Variants in CTNNBIP1 observed in about 807,000 individuals in gnomAD.
CTNNBIP1 encodes catenin beta interacting protein 1.
A neutral mutation model predicts 11.8 loss-of-function variants in CTNNBIP1; 7 were observed. The observed-to-expected ratio is 0.60, with a 90% CI of 0.34 to 1.12. The LOEUF is 1.12. CTNNBIP1 is among the 50% of genes most tolerant of loss of function. The pLI is 0.03. For missense variants in CTNNBIP1, 101 were observed against 113.4 expected (o/e 0.89, Z 0.50); for synonymous variants, 58 against 43.9 (o/e 1.32, Z -1.26).
chr1:9,887,291 G>T (rs1639207055), intron 1 of CTNNBIP1, among the ~76,000 whole-genome samples: 1 of 152,204 alleles, frequency 6.6e-6, no homozygotes, highest in Non-Finnish European at 1.5e-5. Context: ...CTCAGAGAAG[G>T]TAAGTAACCT....
intron 5 of CTNNBIP1, among the ~76,000 whole-genome samples, chr1:9,866,231 G>C (rs1020271518): frequency 6.6e-6 from 1 of 152,248 alleles, no homozygotes; most frequent in Non-Finnish European, 1.5e-5. Flanking sequence ...AGGGGAGTAA[G>C]GTGGGGGTGA....
At chr1:9,901,303 G>A (rs973191477) in intron 1 of CTNNBIP1, among the ~76,000 whole-genome samples, 3 of 152,198 alleles carry the variant, frequency 2.0e-5, no homozygotes, top group Non-Finnish European at 4.4e-5. Context: ...AGGTGGCTGT[G>A]AGGCCTGTCT....
At chr1:9,896,966 C>T (rs1246084646) in intron 1 of CTNNBIP1, among the ~76,000 whole-genome samples, 3 of 141,492 alleles carry the variant, frequency 2.1e-5, no homozygotes, top group Non-Finnish European at 4.6e-5. Flanking sequence ...GATTCTGTCT[C>T]AAACAAACAA....
rs568442424 is a variant in CTNNBIP1, at chr1:9,849,914, C to G, written c.*804G>C. ...GGGGCCCAACTTTCCAGCTGTGGACCCTGCTCAGGGTTCTCGGGGTCCCCT... is the reference window on the plus strand; with the variant it reads ...GGGGCCCAACTTTCCAGCTGTGGACGCTGCTCAGGGTTCTCGGGGTCCCCT... On this transcript the variant is annotated 3_prime_UTR_variant, in exon 6 of 6. Coordinates refer to ENST00000377263, the MANE Select transcript of CTNNBIP1 (RefSeq NM_020248.3). 74 of 152,360 alleles carry G rather than the reference C, an allele frequency of 4.9e-4. No individual in the cohort carries two copies. The highest frequency in any genetic ancestry group is 1.7e-3 in the African/African-American group (69 of 41,534). 9.4% of individuals were successfully genotyped at this position (152,360 alleles called of 1,614,324 possible).
At chr1:9,900,070 AG>A (rs1188584852) in intron 1 of CTNNBIP1, among the ~76,000 whole-genome samples, 3 of 150,756 alleles carry the variant, frequency 2.0e-5, no homozygotes, top group Non-Finnish European at 3.0e-5. Context: ...CTCCGTCTCA[AG>A]AAAAAAAAAA....
intron 5 of CTNNBIP1, among the ~76,000 whole-genome samples, chr1:9,868,990 T>C (rs768094971): frequency 2.0e-5 from 3 of 151,532 alleles, no homozygotes; most frequent in Non-Finnish European, 4.4e-5. Flanking sequence ...ACCAGCTTCT[T>C]TGTCTTTTAA....
rs12073123 is a variant in CTNNBIP1, at chr1:9,894,100, G to A, written c.-143-10362C>T. Among the ~76,000 whole-genome samples, 1,490 of 152,026 alleles carry A rather than the reference G, an allele frequency of 9.8e-3. 26 individuals are homozygous for A. Among genetic ancestry groups the A allele is most frequent in the African/African-American group, 0.033 (1,362 of 41,452 alleles). ...TTCTTTTGAAAAATTCCAAAGCCAC[G>A]GAAGAGCTAAAAGAACAGTACAAGA... On this transcript the variant is annotated intron_variant, in intron 1 of 5. Transcript: ENST00000377263.
In CTNNBIP1 at chr1:9,848,490, T is replaced by TA. The variant is rs1225428631; in HGVS notation, c.*2227dup. On this transcript the variant is annotated 3_prime_UTR_variant, in exon 6 of 6. Coordinates refer to ENST00000377263, the MANE Select transcript of CTNNBIP1 (RefSeq NM_020248.3). This position sits in a 1 kb window ranked among gnomAD's most constrained non-coding sequence, Gnocchi z 4.3. Reference sequence around the variant, plus strand: ...AGGTATCCACCAGGTGTGGGCCCTTTATAGGAGCTACAAAGAGGGGGCAGC... The same window carrying TA: ...AGGTATCCACCAGGTGTGGGCCCTTTAATAGGAGCTACAAAGAGGGGGCAGC... 1.3e-5 allele frequency: 2 copies of TA among 152,110 alleles called. No individual in the cohort carries two copies. Among genetic ancestry groups the TA allele is most frequent in the Non-Finnish European group, 2.9e-5 (2 of 68,014 alleles). 9.4% of individuals were successfully genotyped at this position (152,110 alleles called of 1,614,324 possible).
chr1:9,894,850 C>T (rs1639376755), intron 1 of CTNNBIP1, among the ~76,000 whole-genome samples: 1 of 151,798 alleles, frequency 6.6e-6, no homozygotes, highest in Non-Finnish European at 1.5e-5. Context: ...AAGAGATTCT[C>T]CTGCCTCAGC....
rs76269958 is a variant in CTNNBIP1 at position 9,859,979 on chromosome 1, T to C, written c.188-9203A>G. On this transcript the variant is annotated intron_variant, in intron 5 of 5. Coordinates refer to ENST00000377263, the MANE Select transcript of CTNNBIP1 (RefSeq NM_020248.3). ...CACAGCAAAGAGGAGGGCTTGGTCC[T>C]GGCTTCATTTCACCAAAGCATCTGG... 2.4e-4 allele frequency among the ~76,000 whole-genome samples: 37 copies of C among 152,322 alleles called. 1 individual carries two copies. The East Asian group carries it at 7.2e-3, about 29-fold the overall frequency.
chr1:9,904,039 GA>G (rs1159774491), intron 1 of CTNNBIP1, among the ~76,000 whole-genome samples: 2 of 152,208 alleles, frequency 1.3e-5, no homozygotes, highest in African/African-American at 4.8e-5. Context: ...CCGTGAGGAT[GA>G]AATGAGACAG....
At position 9,869,042 on chromosome 1, in the gene CTNNBIP1, C is replaced by T. The variant is rs1638804089; in HGVS notation, c.187+2145G>A. On this transcript the variant is annotated intron_variant, in intron 5 of 5. Transcript: ENST00000377263. The stretch of plus-strand genomic sequence containing the variant: ...TGAGACAGAGTCTCCCTCTGTTGCC[C>T]AGGCTGGGGTGCAGTGGTGCGATCA... Among the ~76,000 whole-genome samples the T allele has an allele frequency of 2.0e-5, 3 of 152,220 alleles. 1 individual carries two copies. In the South Asian group the frequency reaches 6.2e-4, roughly 32 times the overall value.
chr1:9,890,614 C>A (rs529595067), intron 1 of CTNNBIP1, among the ~76,000 whole-genome samples: 22 of 152,192 alleles, frequency 1.4e-4, no homozygotes, highest in African/African-American at 5.3e-4. Flanking sequence ...GAATCCAGAG[C>A]CTTCTTCTAT....
At chr1:9,874,005 AGAT>A (rs1369810374) in intron 3 of CTNNBIP1, among the ~76,000 whole-genome samples, 1 of 152,050 alleles carries the variant, frequency 6.6e-6, no homozygotes, top group Non-Finnish European at 1.5e-5. Flanking sequence ...TCCCCAAAAC[AGAT>A]GATATCACTC....
In CTNNBIP1 at chr1:9,867,666, C is replaced by T. The variant is rs1019317460; in HGVS notation, c.187+3521G>A. On this transcript the variant is annotated intron_variant, in intron 5 of 5. Coordinates refer to ENST00000377263, the MANE Select transcript of CTNNBIP1 (RefSeq NM_020248.3). This position sits in a 1 kb window ranked among gnomAD's most constrained non-coding sequence, Gnocchi z 4.6. ...CTGAGAGACAGCGCCACCTAGTGGGCAGGAGGTGCACGCCAGGCCATTACC... is the reference window on the plus strand; with the variant it reads ...CTGAGAGACAGCGCCACCTAGTGGGTAGGAGGTGCACGCCAGGCCATTACC... 6.6e-6 allele frequency among the ~76,000 whole-genome samples: 1 copy of T among 152,170 alleles called. No individual in the cohort carries two copies. The highest frequency in any genetic ancestry group is 1.5e-5 in the Non-Finnish European group (1 of 68,030).
chr1:9,861,615 C>A (rs879702749), intron 5 of CTNNBIP1, among the ~76,000 whole-genome samples: 3 of 152,208 alleles, frequency 2.0e-5, no homozygotes, highest in Non-Finnish European at 4.4e-5. Flanking sequence ...GGCTGCTGGG[C>A]GGTGGCACTG....
At chr1:9,859,590 C>A (rs1638580573) in intron 5 of CTNNBIP1, among the ~76,000 whole-genome samples, 1 of 152,232 alleles carries the variant, frequency 6.6e-6, no homozygotes, top group African/African-American at 2.4e-5. Flanking sequence ...AAGCTGAAGT[C>A]TTTCAAAGGT....
At position 9,850,179 on chromosome 1, in the gene CTNNBIP1, A is replaced by C. The variant is rs1638348704; in HGVS notation, c.*539T>G. 1 of 152,728 alleles carries C rather than the reference A, an allele frequency of 6.5e-6. No individual in the cohort carries two copies. The highest frequency in any genetic ancestry group is 2.4e-5 in the African/African-American group (1 of 41,448). 9.5% of individuals were successfully genotyped at this position (152,728 alleles called of 1,614,324 possible). On this transcript the variant is annotated 3_prime_UTR_variant, in exon 6 of 6. Coordinates refer to ENST00000377263, the MANE Select transcript of CTNNBIP1 (RefSeq NM_020248.3). Reference sequence around the variant, plus strand: ...ACTTGGTTTCTTTCTTTTCAAGTCAAATATAACGACTAATGTCCCAGACCC... The same window carrying C: ...ACTTGGTTTCTTTCTTTTCAAGTCACATATAACGACTAATGTCCCAGACCC...
intron 1 of CTNNBIP1, among the ~76,000 whole-genome samples, chr1:9,909,611 T>C (rs1027103538): frequency 6.6e-6 from 1 of 152,114 alleles, no homozygotes; most frequent in Admixed American, 6.6e-5. Context: ...AGGTGAGATA[T>C]GTGCCCCCAC....
Sources: gnomAD v4.1 joint callset for allele counts (sites outside exome capture counted in the v4.1 genomes callset) on GRCh38, gnomAD v4.1.1 for gene constraint, Gnocchi (gnomAD v3.1) non-coding constraint, MANE v1.5 for transcripts, NCBI Gene and HGNC (gene_info 2026-07-23, HGNC 2026-07-21) for gene names.